CDH12: variants seen among roughly 807,000 people sequenced by gnomAD.
The protein encoded by CDH12 is cadherin 12.
In CDH12, 41 loss-of-function variants were observed where a neutral mutation model predicts 74.1. The ratio of observed to expected loss-of-function variants is 0.55; its 90% CI spans 0.43 to 0.72. The LOEUF (loss-of-function observed/expected upper bound fraction) is 0.72. CDH12 is among the 30% of genes least tolerant of loss of function. CDH12 has a pLI of 0.00. For synonymous variants in CDH12, 399 were observed against 355.0 expected, an observed-to-expected ratio of 1.12 and a Z score of -1.39; for missense variants, 945 against 977.2, an observed-to-expected ratio of 0.97 and a Z score of 0.44.
At chr5:21,990,934 G>GAA (rs200693502) in intron 5 of CDH12, among the ~76,000 whole-genome samples, 348 of 126,632 alleles carry the variant, frequency 2.7e-3, no homozygotes, top group African/African-American at 6.8e-3. Context: ...GCCATTAACA[G>GAA]AAAAAAAAAA....
chr5:21,962,166 C>T (rs1756389170), intron 6 of CDH12, among the ~76,000 whole-genome samples: 1 of 152,114 alleles, frequency 6.6e-6, no homozygotes. Context: ...ATTATTTCTT[C>T]AAATATATTT....
rs542843699 is a variant in CDH12, at chr5:22,167,176, G to C, written c.-187+45322C>G. On this transcript the variant is annotated intron_variant, in intron 4 of 14. Coordinates refer to ENST00000382254, the MANE Select transcript of CDH12 (RefSeq NM_004061.5). ...ATTAGACCCATTTCAATCAGCAGGAGAAAACACATATAAGAATGGATGTGG... is the reference window on the plus strand; with the variant it reads ...ATTAGACCCATTTCAATCAGCAGGACAAAACACATATAAGAATGGATGTGG... 2.0e-4 allele frequency among the ~76,000 whole-genome samples: 31 copies of C among 152,304 alleles called. No individual in the cohort carries two copies. In the East Asian group the frequency reaches 2.5e-3, roughly 12 times the overall value.
intron 2 of CDH12, among the ~76,000 whole-genome samples, chr5:22,433,818 G>A (rs1356649440): frequency 6.6e-6 from 1 of 152,112 alleles, no homozygotes; most frequent in Non-Finnish European, 1.5e-5. Context: ...TTTTATCTTT[G>A]GAAGTAACAT....
At chr5:21,850,900 A>G (rs1750430748) in intron 7 of CDH12, among the ~76,000 whole-genome samples, 1 of 151,382 alleles carries the variant, frequency 6.6e-6, no homozygotes, top group Non-Finnish European at 1.5e-5. Context: ...TAAAGGACGT[A>G]TTTTTCACAA....
At chr5:22,033,058 C>G (rs926002695) in intron 5 of CDH12, among the ~76,000 whole-genome samples, 1 of 149,060 alleles carries the variant, frequency 6.7e-6, no homozygotes. Flanking sequence ...AAAAATGGGG[C>G]CAGGCTGACT....
intron 1 of CDH12, among the ~76,000 whole-genome samples, chr5:22,520,418 C>T (rs1737001898): frequency 1.3e-5 from 2 of 152,004 alleles, no homozygotes; most frequent in Non-Finnish European, 2.9e-5. Context: ...TACATAAGAA[C>T]ATCCATTATA....
intron 3 of CDH12, among the ~76,000 whole-genome samples, chr5:22,264,920 C>A (rs1031133881): frequency 3.9e-5 from 6 of 152,104 alleles, no homozygotes; most frequent in African/African-American, 1.4e-4. Context: ...TTGTTTATGG[C>A]GAGACATTCT....
chr5:21,751,609 A>AAAGAGTGC lies in CDH12; in HGVS notation c.*127_*128insGCACTCTT. 1 of 555,680 alleles carries AAAGAGTGC rather than the reference A, an allele frequency of 1.8e-6. No individual in the cohort carries two copies. Among genetic ancestry groups the AAAGAGTGC allele is most frequent in the Non-Finnish European group, 3.0e-6 (1 of 332,274 alleles). 34.4% of individuals were successfully genotyped at this position (555,680 alleles called of 1,614,324 possible). A position where few individuals can be genotyped will look rare whatever the true frequency, so the allele number is the denominator to read the frequency against. On this transcript the variant is annotated 3_prime_UTR_variant, in exon 15 of 15. Transcript: ENST00000382254. ...GGTAATCAAAGGAATCTTGTCCCAGAGTGTGTGTGTGTGTGTGTGTGTTTG... is the reference window on the plus strand; with the variant it reads ...GGTAATCAAAGGAATCTTGTCCCAGAAAGAGTGCGTGTGTGTGTGTGTGTGTGTGTTTG...
intron 6 of CDH12, among the ~76,000 whole-genome samples, chr5:21,968,562 T>A (rs1253115985): frequency 3.3e-5 from 5 of 152,286 alleles, no homozygotes; most frequent in African/African-American, 1.2e-4. Flanking sequence ...TTCACAGGCG[T>A]TGAATATAAT....
At chr5:22,452,971 G>A (rs1580664710) in intron 2 of CDH12, among the ~76,000 whole-genome samples, 1 of 147,462 alleles carries the variant, frequency 6.8e-6, no homozygotes, top group South Asian at 2.1e-4. Flanking sequence ...TAGCCAAAAG[G>A]TATGTGAAAA....
chr5:22,316,769 A>G (rs1382160871), intron 3 of CDH12, among the ~76,000 whole-genome samples: 8 of 152,182 alleles, frequency 5.3e-5, no homozygotes, highest in Admixed American at 5.2e-4. Context: ...TAAAAGGTCT[A>G]TAATGAGGTT....
At chr5:22,706,177 T>C (rs1742998785) in intron 1 of CDH12, among the ~76,000 whole-genome samples, 5 of 152,124 alleles carry the variant, frequency 3.3e-5, no homozygotes, top group Non-Finnish European at 7.4e-5. Context: ...AGGTTTCCCC[T>C]GGCAGGTACT....
chr5:22,783,782 A>G (rs756181029), intron 1 of CDH12, among the ~76,000 whole-genome samples: 4 of 152,134 alleles, frequency 2.6e-5, no homozygotes, highest in African/African-American at 4.8e-5. Flanking sequence ...GAAGCAAATG[A>G]CTTCTTAAGT....
intron 2 of CDH12, among the ~76,000 whole-genome samples, chr5:22,502,841 C>G (rs907427001): frequency 2.0e-5 from 3 of 152,108 alleles, no homozygotes; most frequent in African/African-American, 7.2e-5. Flanking sequence ...TATCTGCCAG[C>G]TATTCCCATA....
intron 6 of CDH12, among the ~76,000 whole-genome samples, chr5:21,967,342 G>A (rs1189369941): frequency 6.6e-6 from 1 of 152,072 alleles, no homozygotes; most frequent in Non-Finnish European, 1.5e-5. Flanking sequence ...AAATAGTCCC[G>A]CAGCTGGAAG....
At position 22,647,944 on chromosome 5, in the gene CDH12, G is replaced by A. The variant is rs1739528707; in HGVS notation, c.-522-142580C>T. ...AAAGTGAGCTAACAGTAATATATAT[G>A]TTTTTGAAAAATATACTTTAAGTAC... On this transcript the variant is annotated intron_variant, in intron 1 of 14. Transcript: ENST00000382254. Among the ~76,000 whole-genome samples the A allele has an allele frequency of 2.0e-5, 3 of 151,674 alleles. No individual in the cohort carries two copies. In the South Asian group the frequency reaches 6.2e-4, roughly 31 times the overall value.
At chr5:22,824,241 C>T (rs1301284352) in intron 1 of CDH12, among the ~76,000 whole-genome samples, 1 of 152,038 alleles carries the variant, frequency 6.6e-6, no homozygotes, top group African/African-American at 2.4e-5. Context: ...AAGATATTTT[C>T]AAGCACACAG....
chr5:22,559,406 G>A (rs926317596), intron 1 of CDH12, among the ~76,000 whole-genome samples: 1 of 151,964 alleles, frequency 6.6e-6, no homozygotes, highest in Non-Finnish European at 1.5e-5. Context: ...AAAAACAACA[G>A]CAATGTAAAA....
chr5:22,509,790 T>C (rs1253755718), intron 1 of CDH12, among the ~76,000 whole-genome samples: 1 of 152,018 alleles, frequency 6.6e-6, no homozygotes, highest in East Asian at 1.9e-4. Flanking sequence ...TGGCCATAGA[T>C]AGAAAGAGGT....
Sources: allele counts gnomAD v4.1 joint callset (sites outside exome capture counted in the v4.1 genomes callset), GRCh38; gene constraint gnomAD v4.1.1; transcripts MANE v1.5; gene names NCBI Gene and HGNC (gene_info 2026-07-23, HGNC 2026-07-21).